IFFO2: variants seen among roughly 807,000 people sequenced by gnomAD.
IFFO2 encodes intermediate filament family orphan 2.
IFFO2 carries 19 observed loss-of-function variants against 53.5 expected under a neutral mutation model. That is an observed-to-expected ratio of 0.36 (90% confidence interval 0.25 to 0.52). IFFO2 has a LOEUF of 0.52. Ranked by LOEUF, IFFO2 falls within the 20% of genes least tolerant of loss-of-function variation. The probability of loss-of-function intolerance (pLI) is 0.94; values close to 1 mark genes in which losing one functional copy is unlikely to be tolerated. For synonymous variants in IFFO2, 303 were observed against 313.6 expected, an observed-to-expected ratio of 0.97 and a Z score of 0.36; for missense variants, 570 against 727.4, an observed-to-expected ratio of 0.78 and a Z score of 2.49.
chr1:18,920,311 T>C (rs993679945), intron 2 of IFFO2, among the ~76,000 whole-genome samples: 25 of 152,350 alleles, frequency 1.6e-4, no homozygotes, highest in African/African-American at 5.8e-4. Context: ...CCTTTCATTA[T>C]AAAAGAAAGG....
intron 5 of IFFO2, 89 bp from the exon 6 acceptor site, chr1:18,912,172 G>A: frequency 6.7e-7 from 1 of 1,490,004 alleles, no homozygotes; most frequent in Non-Finnish European, 9.1e-7. Context: ...CTGCCCAGCA[G>A]GTACACAGCT....
At chr1:18,952,111 A>T (rs1176786880) in intron 1 of IFFO2, among the ~76,000 whole-genome samples, 3 of 152,238 alleles carry the variant, frequency 2.0e-5, no homozygotes, top group Admixed American at 2.0e-4. Context: ...TTGAGTTCAG[A>T]TAAACTCAGT....
chr1:18,937,913 A>G (rs987073907), intron 1 of IFFO2, among the ~76,000 whole-genome samples: 1 of 152,252 alleles, frequency 6.6e-6, no homozygotes, highest in African/African-American at 2.4e-5. Flanking sequence ...AACCGGCACC[A>G]GCACAGCCTC....
At chr1:18,926,501 CA>C (rs1223979775) in intron 1 of IFFO2, among the ~76,000 whole-genome samples, 1 of 152,194 alleles carries the variant, frequency 6.6e-6, no homozygotes, top group African/African-American at 2.4e-5. Flanking sequence ...CAGCTGAGAT[CA>C]GGGGCCTCGG....
chr1:18,945,283 A>G (rs1936572426), intron 1 of IFFO2, among the ~76,000 whole-genome samples: 1 of 151,946 alleles, frequency 6.6e-6, no homozygotes, highest in South Asian at 2.1e-4. Flanking sequence ...CTTTGCAACA[A>G]GCTTTCCCTA....
chr1:18,919,238 C>G lies in IFFO2; in HGVS notation c.822+440G>C, dbSNP rs911455789. ...CAAAAAGACACGCGCACTGGCCTTT[C>G]CTGACCTCATGGAGCAACCCTGCCA... On this transcript the variant is annotated intron_variant, in intron 3 of 8. Transcript: ENST00000455833. This position sits in a 1 kb window ranked among gnomAD's most constrained non-coding sequence, Gnocchi z 4.9. Among the ~76,000 whole-genome samples the G allele has an allele frequency of 6.6e-6, 1 of 152,204 alleles. No homozygotes were observed.
Position 18,908,319 on chromosome 1 carries a change from G to A in IFFO2, c.*242C>T, listed in dbSNP as rs1935981150. ...GCACAGAAGTCTGCATTTGTAATGT[G>A]GAGAACAATAGAAATTGACAGCACC... On this transcript the variant is annotated 3_prime_UTR_variant, in exon 9 of 9. Coordinates refer to ENST00000455833, the MANE Select transcript of IFFO2 (RefSeq NM_001136265.2). 1.9e-6 allele frequency: 1 copy of A among 514,002 alleles called. No individual in the cohort carries two copies. The allele number at this position is 514,002 out of a possible 1,614,324, so 31.8% of individuals were successfully genotyped here.
At chr1:18,930,182 T>C (rs1936355950) in intron 1 of IFFO2, among the ~76,000 whole-genome samples, 2 of 152,170 alleles carry the variant, frequency 1.3e-5, no homozygotes, top group Non-Finnish European at 2.9e-5. Flanking sequence ...TTCCATGGAA[T>C]AGCATATGAA....
chr1:18,940,094 A>G (rs1936501202), intron 1 of IFFO2, among the ~76,000 whole-genome samples: 1 of 152,214 alleles, frequency 6.6e-6, no homozygotes, highest in Admixed American at 6.5e-5. Context: ...GGCAGAGCAT[A>G]GCCAAGCTTG....
At chr1:18,938,304 C>T (rs1421054793) in intron 1 of IFFO2, among the ~76,000 whole-genome samples, 1 of 152,270 alleles carries the variant, frequency 6.6e-6, no homozygotes, top group African/African-American at 2.4e-5. Context: ...CATTATTTTG[C>T]TCCTCCTAGT....
Position 18,947,318 on chromosome 1 carries a change from C to T in IFFO2, c.665+8350G>A, listed in dbSNP as rs187936683. ...CTGCTGGTGATCCGTGGATGAGAAC[C>T]TCGGGCTGGCTGTGCCCTGAGGACA... On this transcript the variant is annotated intron_variant, in intron 1 of 8. Transcript: ENST00000455833. The surrounding 1 kb of genome is among the most constrained non-coding windows in gnomAD (Gnocchi z 5.0). 2.0e-5 allele frequency among the ~76,000 whole-genome samples: 3 copies of T among 152,354 alleles called. No individual in the cohort carries two copies. The highest frequency in any genetic ancestry group is 2.0e-4 in the Admixed American group (3 of 15,306).
intron 1 of IFFO2, among the ~76,000 whole-genome samples, chr1:18,924,905 C>T (rs1936261159): frequency 6.6e-6 from 1 of 152,202 alleles, no homozygotes; most frequent in Non-Finnish European, 1.5e-5. Context: ...TCCCCTCCAT[C>T]ATACTGCACA....
Position 18,917,020 on chromosome 1 carries a change from C to A in IFFO2, c.986G>T (p.Arg329Leu). 6.4e-7 allele frequency: 1 copy of A among 1,552,304 alleles called. No homozygotes were observed. Among genetic ancestry groups the A allele is most frequent in the Non-Finnish European group, 8.7e-7 (1 of 1,147,124 alleles). ...GATGTCATCATCGGAAGCCACCTTA[C>A]GCTCTTTCTTTTTGGGGACCACCTG... is the stretch of plus-strand genomic sequence containing the variant. ...IFQVVPKKKERKVASDDDISE... is the reference protein window; with the variant it reads ...IFQVVPKKKELKVASDDDISE... Residue 329 changes from arginine to leucine, a missense_variant, in exon 5 of 9, where the codon CGT becomes CTT. Physicochemically the swap from Arg to Leu is moderately radical, Grantham distance 102. Coordinates refer to ENST00000455833, the MANE Select transcript of IFFO2 (RefSeq NM_001136265.2). This position sits in a 1 kb window ranked among gnomAD's most constrained non-coding sequence, Gnocchi z 5.9.
At chr1:18,934,174 C>A (rs1476279864) in intron 1 of IFFO2, among the ~76,000 whole-genome samples, 2 of 145,624 alleles carry the variant, frequency 1.4e-5, no homozygotes, top group Non-Finnish European at 3.0e-5. Context: ...CTCAAGCAAT[C>A]CCCCTGCCTC....
chr1:18,906,926 T>C lies in IFFO2; in HGVS notation c.*1635A>G, dbSNP rs532720339. The stretch of plus-strand genomic sequence containing the variant: ...CACGCTCTCTCTCTCTCTCTACATA[T>C]ATCTTTTATGTACAGTATTTTTAAG... On this transcript the variant is annotated 3_prime_UTR_variant, in exon 9 of 9. Coordinates refer to ENST00000455833, the MANE Select transcript of IFFO2 (RefSeq NM_001136265.2). 6.6e-6 allele frequency: 1 copy of C among 152,298 alleles called. No homozygotes were observed. The highest frequency in any genetic ancestry group is 2.1e-4 in the South Asian group (1 of 4,824). The allele number at this position is 152,298 out of a possible 1,614,324, so 9.4% of individuals were successfully genotyped here.
intron 2 of IFFO2, among the ~76,000 whole-genome samples, chr1:18,920,291 AG>A (rs1441257008): frequency 1.3e-5 from 2 of 152,240 alleles, no homozygotes; most frequent in Non-Finnish European, 2.9e-5. Context: ...AAATTTATAA[AG>A]AAAAAAGCCC....
At chr1:18,953,194 G>A (rs193254980) in intron 1 of IFFO2, among the ~76,000 whole-genome samples, 1 of 152,210 alleles carries the variant, frequency 6.6e-6, no homozygotes, top group Non-Finnish European at 1.5e-5. Context: ...CCCTTAGACG[G>A]TGACTTCTCT....
chr1:18,906,691 G>A lies in IFFO2; in HGVS notation c.*1870C>T, dbSNP rs910897763. ...GGGTGAGTGAGGAGAGAGAAGGGCC[G>A]TCTCTCTTCCAAAACCATTGTCCCT... On this transcript the variant is annotated 3_prime_UTR_variant, in exon 9 of 9. Coordinates refer to ENST00000455833, the MANE Select transcript of IFFO2 (RefSeq NM_001136265.2). 6.6e-6 allele frequency: 1 copy of A among 152,188 alleles called. No homozygotes were observed. Among genetic ancestry groups the A allele is most frequent in the Non-Finnish European group, 1.5e-5 (1 of 68,038 alleles). 9.4% of individuals were successfully genotyped at this position (152,188 alleles called of 1,614,324 possible).
intron 1 of IFFO2, among the ~76,000 whole-genome samples, chr1:18,938,054 C>A (rs945966226): frequency 6.6e-6 from 1 of 152,024 alleles, no homozygotes; most frequent in African/African-American, 2.4e-5. Context: ...GAGAAGAAGC[C>A]GGCTTGGGGC....
Sources: allele counts gnomAD v4.1 joint callset (sites outside exome capture counted in the v4.1 genomes callset), GRCh38; gene constraint gnomAD v4.1.1; non-coding constraint Gnocchi (gnomAD v3.1); transcripts MANE v1.5; gene names NCBI Gene and HGNC (gene_info 2026-07-23, HGNC 2026-07-21).